ADGRV1: variants seen among roughly 807,000 people sequenced by gnomAD.
ADGRV1 encodes adhesion G protein-coupled receptor V1, also known as G-protein coupled receptor 98.
A neutral mutation model predicts 596.2 loss-of-function variants in ADGRV1; 359 were observed. That is an observed-to-expected ratio of 0.60 (90% CI 0.55 to 0.66). ADGRV1 has a LOEUF of 0.66. Among genes scored for constraint, ADGRV1 ranks in the 30% least tolerant of loss-of-function variants. The probability of loss-of-function intolerance (pLI) is 0.00; values close to 1 mark genes in which losing one functional copy is unlikely to be tolerated. For missense variants in ADGRV1, 7,274 were observed against 7,575.6 expected (o/e 0.96, Z 1.48); for synonymous variants, 2,681 against 2,679.2 (o/e 1.00, Z -0.02).
chr5:90,740,651 GC>G (rs926071731), intron 50 of ADGRV1, among the ~76,000 whole-genome samples: 1 of 152,164 alleles, frequency 6.6e-6, no homozygotes, highest in Non-Finnish European at 1.5e-5. Flanking sequence ...GTCACTGTGA[GC>G]CCTACCCCTG....
chr5:90,783,880 T>C lies in ADGRV1; in HGVS notation c.13476T>C (p.Thr4492=). ...TTGAAATTCTACTCACTGGAGCTAC[T>C]GGAGGAGCGGTCCTTGGGCGCCACC... ...EPIEILLTGA[T]GGAVLGRHLV... Residue 4492 remains threonine, a synonymous_variant, in exon 67 of 90, where the codon ACT becomes ACC. Coordinates refer to ENST00000405460, the MANE Select transcript of ADGRV1 (RefSeq NM_032119.4). The C allele has an allele frequency of 6.2e-7, 1 of 1,611,654 alleles. No homozygotes were observed. The highest frequency in any genetic ancestry group is 8.5e-7 in the Non-Finnish European group (1 of 1,179,044).
intron 86 of ADGRV1, among the ~76,000 whole-genome samples, chr5:91,094,790 CTGTT>C (rs1365932909): frequency 2.0e-5 from 3 of 152,082 alleles, no homozygotes; most frequent in East Asian, 3.9e-4. Flanking sequence ...TGGAGGAACT[CTGTT>C]TGAAGTGGTT....
At chr5:91,046,418 T>A (rs1276619806) in intron 85 of ADGRV1, among the ~76,000 whole-genome samples, 1 of 152,096 alleles carries the variant, frequency 6.6e-6, no homozygotes, top group Non-Finnish European at 1.5e-5. Context: ...TGAGGAAAGA[T>A]ACCCTATTCA....
chr5:91,134,891 T>A (rs747104890), intron 87 of ADGRV1, among the ~76,000 whole-genome samples: 3 of 152,118 alleles, frequency 2.0e-5, no homozygotes, highest in Non-Finnish European at 4.4e-5. Context: ...AAACCAAAAT[T>A]GGAAATTTGG....
In ADGRV1 at chr5:90,899,769, C is replaced by T. The variant is rs531916167; in HGVS notation, c.17856+35912C>T. The stretch of plus-strand genomic sequence containing the variant: ...CAACCTATCATACCTTCCAGACTCT[C>T]ATGCTCCATTCCTTCCACTCTTTCC... On this transcript the variant is annotated intron_variant, in intron 83 of 89. Transcript: ENST00000405460. Among the ~76,000 whole-genome samples the T allele has an allele frequency of 2.3e-4, 35 of 152,222 alleles. 1 individual carries two copies. The South Asian group carries it at 7.1e-3, about 31-fold the overall frequency.
intron 86 of ADGRV1, among the ~76,000 whole-genome samples, chr5:91,081,144 A>G (rs1301056670): frequency 6.6e-6 from 1 of 152,018 alleles, no homozygotes; most frequent in Non-Finnish European, 1.5e-5. Context: ...CTCTCCTCTC[A>G]TGGATGAGAG....
chr5:90,747,980 T>C (rs984566081), intron 52 of ADGRV1, among the ~76,000 whole-genome samples: 7 of 152,158 alleles, frequency 4.6e-5, no homozygotes, highest in African/African-American at 1.7e-4. Flanking sequence ...ACTCACATTT[T>C]AGAAGGAACA....
intron 86 of ADGRV1, 55 bp downstream of exon 86, chr5:91,072,659 A>G (rs1788493366): frequency 6.5e-7 from 1 of 1,546,732 alleles, no homozygotes; most frequent in Non-Finnish European, 8.8e-7. Flanking sequence ...AATGGTGGGA[A>G]AATGTCACTG....
chr5:91,049,815 C>G (rs1786153430), intron 85 of ADGRV1, among the ~76,000 whole-genome samples: 1 of 152,190 alleles, frequency 6.6e-6, no homozygotes, highest in African/African-American at 2.4e-5. Context: ...CAATACAGTG[C>G]TACGGGTTCC....
At chr5:90,595,502 T>G (rs1366332829) in intron 1 of ADGRV1, among the ~76,000 whole-genome samples, 667 of 77,234 alleles carry the variant, frequency 8.6e-3, no homozygotes, top group Middle Eastern at 0.018. Context: ...CACTTCCCAG[T>G]AGGGGCGGCC....
chr5:90,767,801 C>T (rs531785009), intron 59 of ADGRV1, among the ~76,000 whole-genome samples: 1 of 152,210 alleles, frequency 6.6e-6, no homozygotes, highest in Non-Finnish European at 1.5e-5. Flanking sequence ...GTGATGCCCT[C>T]TGGCAGTCTA....
intron 83 of ADGRV1, among the ~76,000 whole-genome samples, chr5:90,885,334 T>TA (rs1770177000): frequency 6.6e-6 from 1 of 152,182 alleles, no homozygotes; most frequent in African/African-American, 2.4e-5. Flanking sequence ...ACTCAAAGAC[T>TA]TCTTAAAGTC....
At position 90,801,575 on chromosome 5, in the gene ADGRV1, A is replaced by G. The variant is rs1761380592; in HGVS notation, c.14518-1164A>G. ...TTGACCCATGATTCATGTTCAGTGA[A>G]TGTCATTTTGAATGAATAAAACACC... On this transcript the variant is annotated intron_variant, in intron 70 of 89. Transcript: ENST00000405460. 2.6e-5 allele frequency among the ~76,000 whole-genome samples: 4 copies of G among 151,952 alleles called. No homozygotes were observed. The South Asian group carries it at 8.3e-4, about 32-fold the overall frequency.
At chr5:90,742,747 A>C (rs1003936104) in intron 50 of ADGRV1, among the ~76,000 whole-genome samples, 3 of 152,308 alleles carry the variant, frequency 2.0e-5, no homozygotes, top group Middle Eastern at 3.4e-3. Flanking sequence ...TGAAGCTTGG[A>C]AAGTGGTAGG....
intron 85 of ADGRV1, among the ~76,000 whole-genome samples, chr5:91,036,334 C>T (rs773249695): frequency 7.2e-5 from 11 of 151,910 alleles, no homozygotes; most frequent in Admixed American, 2.6e-4. Flanking sequence ...GCCTGGTGGG[C>T]GGATCACTAG....
chr5:90,951,273 G>A (rs74412471), intron 83 of ADGRV1, among the ~76,000 whole-genome samples: 1 of 152,272 alleles, frequency 6.6e-6, no homozygotes, highest in East Asian at 1.9e-4. Flanking sequence ...AACTGAATTG[G>A]GGACAAGTCA....
At chr5:91,111,375 G>C (rs1161765335) in intron 87 of ADGRV1, among the ~76,000 whole-genome samples, 4 of 151,980 alleles carry the variant, frequency 2.6e-5, no homozygotes, top group East Asian at 1.9e-4. Context: ...TAGTTTTTGA[G>C]GTATCGTAAG....
chr5:90,705,154 T>C lies in ADGRV1; in HGVS notation c.8387-246T>C, dbSNP rs186418554. Reference sequence around the variant, plus strand: ...AAATTATCTGGGTACTTTCCTCAGTTTCTATTCAATTTCTATAATTCTGAT... The same window carrying C: ...AAATTATCTGGGTACTTTCCTCAGTCTCTATTCAATTTCTATAATTCTGAT... On this transcript the variant is annotated intron_variant, in intron 36 of 89. Transcript: ENST00000405460. Among the ~76,000 whole-genome samples, 185 of 152,300 alleles carry C rather than the reference T, an allele frequency of 1.2e-3. 1 individual carries two copies. The highest frequency in any genetic ancestry group is 3.4e-3 in the Middle Eastern group (1 of 294).
At chr5:91,014,136 C>CCCCCCCCCCCCA (rs757029909) in intron 85 of ADGRV1, among the ~76,000 whole-genome samples, 1 of 35,638 alleles carries the variant, frequency 2.8e-5, no homozygotes, top group East Asian at 6.8e-4. Context: ...TTCACAATTG[C>CCCCCCCCCCCCA]CACACACACA....
Sources: allele counts gnomAD v4.1 joint callset (sites outside exome capture counted in the v4.1 genomes callset), GRCh38; gene constraint gnomAD v4.1.1; transcripts MANE v1.5; gene names NCBI Gene and HGNC (gene_info 2026-07-23, HGNC 2026-07-21).